The following LYRM7 variants were observed in gnomAD, a reference collection of about 807,000 sequenced individuals.
LYRM7 encodes the protein complex III assembly factor LYRM7.
Under a neutral mutation model 15.8 loss-of-function variants are expected in LYRM7, and 9 were observed. The ratio of observed to expected loss-of-function variants is 0.57; its 90% CI spans 0.34 to 0.99. LYRM7 has a LOEUF of 0.99. LYRM7 is among the 50% of genes least tolerant of loss of function. LYRM7 has a pLI of 0.02. For synonymous variants in LYRM7, 39 were observed against 39.4 expected, an observed-to-expected ratio of 0.99 and a Z score of 0.04; for missense variants, 115 against 119.1, an observed-to-expected ratio of 0.97 and a Z score of 0.16.
At chr5:131,187,918 A>G (rs187234296) in intron 4 of LYRM7, among the ~76,000 whole-genome samples, 23 of 152,250 alleles carry the variant, frequency 1.5e-4, no homozygotes, top group Middle Eastern at 3.4e-3. Flanking sequence ...TTTTGTTTTT[A>G]TTCTCTAAAG....
At chr5:131,190,500 T>C (rs1755868711) in intron 4 of LYRM7, among the ~76,000 whole-genome samples, 1 of 151,648 alleles carries the variant, frequency 6.6e-6, no homozygotes, top group Non-Finnish European at 1.5e-5. Flanking sequence ...TTTTTTTTTT[T>C]TTTCTTTGAA....
chr5:131,199,228 T>C (rs1053572150), intron 4 of LYRM7, among the ~76,000 whole-genome samples: 1 of 152,216 alleles, frequency 6.6e-6, no homozygotes, highest in Non-Finnish European at 1.5e-5. Flanking sequence ...CAGTAATTGG[T>C]AATTAAATGA....
intron 1 of LYRM7, among the ~76,000 whole-genome samples, chr5:131,172,258 AC>A (rs1169504962): frequency 3.3e-5 from 5 of 152,340 alleles, no homozygotes; most frequent in African/African-American, 1.2e-4. Context: ...TACTAAAGAT[AC>A]AAAAATTAGC....
chr5:131,182,176 T>C, intron 2 of LYRM7, 53 bp from the exon 3 acceptor site: 4 of 1,308,016 alleles, frequency 3.1e-6, no homozygotes, highest in South Asian at 1.4e-5. Flanking sequence ...ATTATTGAGA[T>C]AGGAATTATA....
chr5:131,181,445 T>C (rs923838041), intron 2 of LYRM7, among the ~76,000 whole-genome samples: 1 of 128,006 alleles, frequency 7.8e-6, no homozygotes, highest in African/African-American at 3.2e-5. Flanking sequence ...TATATGTATA[T>C]ATATATAAAA....
chr5:131,188,882 C>T (rs1755838375), intron 4 of LYRM7, among the ~76,000 whole-genome samples: 1 of 152,160 alleles, frequency 6.6e-6, no homozygotes, highest in African/African-American at 2.4e-5. Context: ...TGCAGTGGCT[C>T]ACACCTGTAA....
At chr5:131,171,319 T>C (rs1755518980) in intron 1 of LYRM7, among the ~76,000 whole-genome samples, 3 of 152,130 alleles carry the variant, frequency 2.0e-5, no homozygotes, top group Non-Finnish European at 2.9e-5. Context: ...AGTTCTGCCC[T>C]CGTTTCATCT....
chr5:131,204,527 C>T lies in LYRM7; in HGVS notation c.*4926C>T, dbSNP rs2149669092. The T allele has an allele frequency of 6.7e-6, 1 of 149,928 alleles. No homozygotes were observed. Among genetic ancestry groups the T allele is most frequent in the Non-Finnish European group, 1.5e-5 (1 of 67,446 alleles). 9.3% of individuals were successfully genotyped at this position (149,928 alleles called of 1,614,324 possible). A position where few individuals can be genotyped will look rare whatever the true frequency, so the allele number is the denominator to read the frequency against. ...ACACACACACACAGTTTGGGTATCC[C>T]TAATCCAGAAATTCAAATGCTCCAA... On this transcript the variant is annotated 3_prime_UTR_variant, in exon 5 of 5. Coordinates refer to ENST00000379380, the MANE Select transcript of LYRM7 (RefSeq NM_181705.4).
At chr5:131,190,469 C>G (rs1265539188) in intron 4 of LYRM7, among the ~76,000 whole-genome samples, 1 of 150,904 alleles carries the variant, frequency 6.6e-6, no homozygotes, top group Admixed American at 6.6e-5. Flanking sequence ...GCTGGGATTA[C>G]AGGCATGAGC....
chr5:131,196,927 A>G (rs2149666175), intron 4 of LYRM7, among the ~76,000 whole-genome samples: 2 of 152,286 alleles, frequency 1.3e-5, no homozygotes, highest in South Asian at 4.1e-4. Flanking sequence ...AAGTGCTGTG[A>G]TTACAAGCAT....
chr5:131,172,378 A>G (rs1236360030), intron 1 of LYRM7, among the ~76,000 whole-genome samples: 2 of 152,168 alleles, frequency 1.3e-5, no homozygotes, highest in East Asian at 1.9e-4. Flanking sequence ...GCGCCACTAC[A>G]CTCTAGCCTG....
At chr5:131,188,086 G>A (rs1022150689) in intron 4 of LYRM7, among the ~76,000 whole-genome samples, 8 of 151,548 alleles carry the variant, frequency 5.3e-5, no homozygotes, top group African/African-American at 1.5e-4. Flanking sequence ...AAAAAACCCC[G>A]CCTCTACAAA....
chr5:131,177,036 C>G (rs760115163), intron 1 of LYRM7, among the ~76,000 whole-genome samples: 3 of 152,146 alleles, frequency 2.0e-5, no homozygotes, highest in Non-Finnish European at 4.4e-5. Flanking sequence ...TTACCCACAG[C>G]TGAGCCCTTT....
chr5:131,184,498 A>G (rs6596002), intron 3 of LYRM7, among the ~76,000 whole-genome samples: 22,763 of 152,104 alleles, frequency 0.15, 4,083 homozygotes, highest in African/African-American at 0.43. Flanking sequence ...TAAGCCACGT[A>G]ATTGTGAATA....
chr5:131,172,074 T>G (rs1755531659), intron 1 of LYRM7, among the ~76,000 whole-genome samples: 1 of 152,216 alleles, frequency 6.6e-6, no homozygotes, highest in Non-Finnish European at 1.5e-5. Context: ...ATGCTTTGAT[T>G]TGAAACTGCA....
chr5:131,193,868 G>A (rs1157912309), intron 4 of LYRM7, among the ~76,000 whole-genome samples: 1 of 152,082 alleles, frequency 6.6e-6, no homozygotes, highest in Non-Finnish European at 1.5e-5. Flanking sequence ...AATTAGCCGG[G>A]CATGGTGGCA....
intron 4 of LYRM7, among the ~76,000 whole-genome samples, chr5:131,191,834 G>C (rs1755890245): frequency 1.3e-5 from 2 of 152,056 alleles, no homozygotes; most frequent in African/African-American, 2.4e-5. Flanking sequence ...AAACAGTATA[G>C]AGGTTCCTCA....
At chr5:131,183,277 A>C (rs939839129) in intron 3 of LYRM7, among the ~76,000 whole-genome samples, 2 of 152,228 alleles carry the variant, frequency 1.3e-5, no homozygotes, top group Admixed American at 6.5e-5. Context: ...GATTTTGCTG[A>C]AACATGATAG....
intron 3 of LYRM7, among the ~76,000 whole-genome samples, chr5:131,183,418 C>T (rs550385471): frequency 1.3e-5 from 2 of 152,068 alleles, no homozygotes; most frequent in Non-Finnish European, 2.9e-5. Flanking sequence ...TAGACTAATT[C>T]ATAACATATG....
Sources: allele counts gnomAD v4.1 joint callset (sites outside exome capture counted in the v4.1 genomes callset), GRCh38; gene constraint gnomAD v4.1.1; transcripts MANE v1.5; gene names NCBI Gene and HGNC (gene_info 2026-07-23, HGNC 2026-07-21).